PPFIA2: variants seen among roughly 807,000 people sequenced by gnomAD.
The protein encoded by PPFIA2 is liprin-alpha-2.
A neutral mutation model predicts 175.5 loss-of-function variants in PPFIA2; 46 were observed. That is an observed-to-expected ratio of 0.26 (90% confidence interval 0.21 to 0.34). The LOEUF is 0.34. Ranked by LOEUF, PPFIA2 falls within the 10% of genes least tolerant of loss-of-function variation. PPFIA2 has a pLI of 1.00. For missense variants in PPFIA2, 1,179 were observed against 1,506.1 expected (o/e 0.78, Z 3.60); for synonymous variants, 568 against 511.4 (o/e 1.11, Z -1.49).
intron 4 of PPFIA2, among the ~76,000 whole-genome samples, chr12:81,500,117 C>T (rs1455525311): frequency 6.6e-6 from 1 of 152,138 alleles, no homozygotes. Flanking sequence ...TTTCCCGGCA[C>T]ATAGTGAACA....
At position 81,406,614 on chromosome 12, in the gene PPFIA2, G is replaced by A. The variant is rs138205252; in HGVS notation, c.646-711C>T. Among the ~76,000 whole-genome samples, 24 of 152,028 alleles carry A rather than the reference G, an allele frequency of 1.6e-4. No homozygotes were observed. The East Asian group carries it at 3.3e-3, about 21-fold the overall frequency. On this transcript the variant is annotated intron_variant, in intron 7 of 32. Coordinates refer to ENST00000549396, the MANE Select transcript of PPFIA2 (RefSeq NM_003625.5). ...TAGCATAAGTGATCCTAGTAATAGA[G>A]TGAAAAATAGTATTTCAGTCTTTTT...
At chr12:81,428,089 A>G (rs73356660) in intron 7 of PPFIA2, among the ~76,000 whole-genome samples, 4,998 of 152,076 alleles carry the variant, frequency 0.033, 257 homozygotes, top group African/African-American at 0.11. Context: ...AAGAATAAAT[A>G]TGGGTAAAAT....
intron 4 of PPFIA2, among the ~76,000 whole-genome samples, chr12:81,516,772 C>A (rs2062497738): frequency 6.6e-6 from 1 of 152,162 alleles, no homozygotes; most frequent in Non-Finnish European, 1.5e-5. Context: ...GTTGTGTAAG[C>A]CACAGTGGTA....
At chr12:81,326,446 C>T (rs2054777832) in intron 21 of PPFIA2, among the ~76,000 whole-genome samples, 1 of 152,038 alleles carries the variant, frequency 6.6e-6, no homozygotes, top group Non-Finnish European at 1.5e-5. Flanking sequence ...AATCTTACTT[C>T]CAGAACTCGA....
chr12:81,510,562 G>A (rs1269845000), intron 4 of PPFIA2, among the ~76,000 whole-genome samples: 1 of 152,056 alleles, frequency 6.6e-6, no homozygotes, highest in African/African-American at 2.4e-5. Flanking sequence ...TCATGAGATA[G>A]GTTCTATGAT....
intron 4 of PPFIA2, among the ~76,000 whole-genome samples, chr12:81,534,322 C>A (rs777139787): frequency 2.0e-5 from 3 of 151,552 alleles, no homozygotes; most frequent in Admixed American, 6.6e-5. Flanking sequence ...ATGTTAACAA[C>A]TAGAAGAGAG....
chr12:81,402,350 A>C (rs1167057738), intron 8 of PPFIA2, among the ~76,000 whole-genome samples: 1 of 152,212 alleles, frequency 6.6e-6, no homozygotes, highest in Non-Finnish European at 1.5e-5. Context: ...TCAATAAAAA[A>C]AAAATAAGTA....
intron 4 of PPFIA2, among the ~76,000 whole-genome samples, chr12:81,561,864 T>A (rs1037451256): frequency 1.3e-5 from 2 of 152,344 alleles, no homozygotes; most frequent in Admixed American, 1.3e-4. Flanking sequence ...ATTTATCTTG[T>A]CTGCATTGAA....
chr12:81,349,130 G>A (rs2059586483), intron 17 of PPFIA2, among the ~76,000 whole-genome samples: 1 of 152,152 alleles, frequency 6.6e-6, no homozygotes, highest in Admixed American at 6.6e-5. Flanking sequence ...ATGTTCACCA[G>A]CTCTTTGATT....
At chr12:81,631,505 A>G (rs1009259291) in intron 4 of PPFIA2, among the ~76,000 whole-genome samples, 2 of 152,188 alleles carry the variant, frequency 1.3e-5, no homozygotes, top group African/African-American at 4.8e-5. Flanking sequence ...AAAACAATTT[A>G]AAAGGTTGTA....
At chr12:81,595,083 G>A (rs941922689) in intron 4 of PPFIA2, among the ~76,000 whole-genome samples, 1 of 151,912 alleles carries the variant, frequency 6.6e-6, no homozygotes, top group African/African-American at 2.4e-5. Flanking sequence ...ATATCTGGGA[G>A]GAGGAACACA....
At chr12:81,685,396 G>T (rs1451249101) in intron 3 of PPFIA2, among the ~76,000 whole-genome samples, 2 of 151,926 alleles carry the variant, frequency 1.3e-5, no homozygotes, top group African/African-American at 2.4e-5. Context: ...TAAGCCAAAA[G>T]GTGTCCTTTT....
chr12:81,633,089 A>ATCACGT (rs2063580497), intron 4 of PPFIA2, among the ~76,000 whole-genome samples: 1 of 152,120 alleles, frequency 6.6e-6, no homozygotes, highest in Non-Finnish European at 1.5e-5. Flanking sequence ...CTTGATCATA[A>ATCACGT]TCACGTCTAG....
intron 3 of PPFIA2, among the ~76,000 whole-genome samples, chr12:81,718,260 C>T (rs924365634): frequency 1.3e-5 from 2 of 151,530 alleles, no homozygotes; most frequent in African/African-American, 4.8e-5. Flanking sequence ...CCAAGGAAGT[C>T]CTCTGTGATA....
intron 4 of PPFIA2, among the ~76,000 whole-genome samples, chr12:81,607,823 G>A (rs115987894): frequency 0.01 from 1,576 of 151,966 alleles, 30 homozygotes; most frequent in African/African-American, 0.033. Flanking sequence ...AAGACTTCTC[G>A]TATTATGTCA....
At chr12:81,493,697 T>G (rs2059661083) in intron 4 of PPFIA2, among the ~76,000 whole-genome samples, 1 of 148,534 alleles carries the variant, frequency 6.7e-6, no homozygotes, top group Non-Finnish European at 1.5e-5. Context: ...GGATGGAAGG[T>G]AACTAGTAGC....
chr12:81,585,725 A>G (rs1286321096), intron 4 of PPFIA2, among the ~76,000 whole-genome samples: 1 of 151,830 alleles, frequency 6.6e-6, no homozygotes, highest in African/African-American at 2.4e-5. Context: ...ACTATTTCAC[A>G]GTTAAGTTTT....
intron 21 of PPFIA2, 148 bp downstream of exon 21, chr12:81,339,032 C>A: frequency 1.4e-6 from 1 of 715,456 alleles, no homozygotes; most frequent in Non-Finnish European, 2.1e-6. Flanking sequence ...CTAAATTGAA[C>A]ATTTAAAGCT....
intron 4 of PPFIA2, among the ~76,000 whole-genome samples, chr12:81,464,533 A>G (rs1319066094): frequency 1.3e-5 from 2 of 152,128 alleles, no homozygotes; most frequent in African/African-American, 2.4e-5. Context: ...TGCTGCAAAT[A>G]TCTCAAATGA....
Sources: gnomAD v4.1 joint callset for allele counts (sites outside exome capture counted in the v4.1 genomes callset) on GRCh38, gnomAD v4.1.1 for gene constraint, MANE v1.5 for transcripts, NCBI Gene and HGNC (gene_info 2026-07-23, HGNC 2026-07-21) for gene names.